MIA2: variants seen among roughly 807,000 people sequenced by gnomAD.
MIA2 encodes the protein MIA SH3 domain ER export factor 2.
A neutral mutation model predicts 167.8 loss-of-function variants in MIA2; 127 were observed. The observed-to-expected ratio is 0.76, with a 90% CI of 0.66 to 0.88. MIA2 has a LOEUF of 0.88. MIA2 is among the 40% of genes least tolerant of loss of function. The probability of loss-of-function intolerance (pLI) is 0.00; values close to 1 mark genes in which losing one functional copy is unlikely to be tolerated. For synonymous variants in MIA2, 552 were observed against 541.9 expected, an observed-to-expected ratio of 1.02 and a Z score of -0.26; for missense variants, 1,690 against 1,624.7, an observed-to-expected ratio of 1.04 and a Z score of -0.69.
intron 23 of MIA2, among the ~76,000 whole-genome samples, chr14:39,378,634 CAT>C (rs1304272812): frequency 3.3e-5 from 5 of 152,166 alleles, no homozygotes; most frequent in African/African-American, 9.7e-5. Flanking sequence ...CTACTGATAA[CAT>C]ACACTAAAAC....
chr14:39,336,820 A>C (rs1162952224), intron 25 of MIA2, among the ~76,000 whole-genome samples: 3 of 152,172 alleles, frequency 2.0e-5, no homozygotes, highest in African/African-American at 7.2e-5. Context: ...ATTATAGCTC[A>C]CTGTAGCCTT....
chr14:39,243,694 C>T (rs796247492), intron 3 of MIA2, among the ~76,000 whole-genome samples: 2 of 152,192 alleles, frequency 1.3e-5, no homozygotes, highest in African/African-American at 2.4e-5. Flanking sequence ...GGTGAAACCA[C>T]GTCTTTACTA....
At position 39,325,577 on chromosome 14, in the gene MIA2, C is replaced by T. The variant is rs1015748526; in HGVS notation, c.3497-1287C>T. On this transcript the variant is annotated intron_variant, in intron 24 of 28. Coordinates refer to ENST00000640607, the MANE Select transcript of MIA2 (RefSeq NM_001329214.4). ...AGAGATGGGGTTTCACCTTGTTAGC[C>T]AGGATGGTCTCGATCTCCTGACCTT... 1.5e-4 allele frequency among the ~76,000 whole-genome samples: 22 copies of T among 151,024 alleles called. 1 individual carries two copies. Among genetic ancestry groups the T allele is most frequent in the African/African-American group, 4.9e-4 (20 of 41,146 alleles).
chr14:39,314,782 C>A lies in MIA2; in HGVS notation c.3163C>A (p.His1055Asn). The change falls in exon 20 of 29, where the codon CAT becomes AAT. Residue 1055 changes from histidine to asparagine, a missense_variant. Transcript: ENST00000640607. ...TGAAGAAGAATTGGAGAGAACTATT[C>A]ATTCTTATCAAGGGCAGGTATATAT... The part of the protein sequence containing the change: ...DLEEELERTI[H>N]SYQGQIISHE... 6.3e-7 allele frequency: 1 copy of A among 1,593,462 alleles called. No individual in the cohort carries two copies. Among genetic ancestry groups the A allele is most frequent in the Non-Finnish European group, 8.5e-7 (1 of 1,169,784 alleles).
At chr14:39,243,136 A>AAG (rs1162028135) in intron 3 of MIA2, among the ~76,000 whole-genome samples, 17 of 151,774 alleles carry the variant, frequency 1.1e-4, no homozygotes, top group African/African-American at 4.1e-4. Context: ...AAAAAAAAAA[A>AAG]AAGAAGACAA....
intron 3 of MIA2, among the ~76,000 whole-genome samples, chr14:39,240,939 T>A (rs2054008126): frequency 6.6e-6 from 1 of 152,184 alleles, no homozygotes; most frequent in Non-Finnish European, 1.5e-5. Context: ...ACTCAACCAC[T>A]TACAAGCTAT....
chr14:39,349,432 C>T (rs771628697), intron 28 of MIA2, among the ~76,000 whole-genome samples: 9 of 151,908 alleles, frequency 5.9e-5, no homozygotes, highest in South Asian at 4.2e-4. Context: ...TACGTTTGAC[C>T]GAATTTTTGG....
chr14:39,386,859 C>T (rs760360927), intron 23 of MIA2: 3 of 861,764 alleles, frequency 3.5e-6, no homozygotes, highest in Non-Finnish European at 4.0e-6. Flanking sequence ...TACTTTAACT[C>T]TGAGGCGGTC....
chr14:39,266,355 A>G (rs2055630413), intron 6 of MIA2: 1 of 985,374 alleles, frequency 1.0e-6, no homozygotes, highest in Non-Finnish European at 1.2e-6. Flanking sequence ...ACGGTCCTAA[A>G]AATAGAGTCC....
chr14:39,263,033 C>G (rs189691013), intron 6 of MIA2, among the ~76,000 whole-genome samples: 3 of 152,318 alleles, frequency 2.0e-5, no homozygotes, highest in South Asian at 2.1e-4. Flanking sequence ...ATTGCCCTAG[C>G]CAGAACTTCG....
At chr14:39,316,978 C>T (rs1485990364) in intron 21 of MIA2, among the ~76,000 whole-genome samples, 6 of 152,116 alleles carry the variant, frequency 3.9e-5, no homozygotes, top group Non-Finnish European at 8.8e-5. Flanking sequence ...ATTCCACATC[C>T]CTCCCTCACC....
chr14:39,341,774 CAT>C (rs2071928101), intron 25 of MIA2, among the ~76,000 whole-genome samples: 1 of 151,988 alleles, frequency 6.6e-6, no homozygotes, highest in South Asian at 2.1e-4. Flanking sequence ...AATTTATGGT[CAT>C]AAATTTGAAT....
At chr14:39,338,708 C>A (rs1488562227) in intron 25 of MIA2, among the ~76,000 whole-genome samples, 1 of 152,110 alleles carries the variant, frequency 6.6e-6, no homozygotes, top group Non-Finnish European at 1.5e-5. Context: ...TTACCTTGCT[C>A]AGCGCTTCAG....
At chr14:39,345,756 T>G (rs2073100824) in intron 25 of MIA2, 148 bp from the exon 26 acceptor site, 3 of 590,838 alleles carry the variant, frequency 5.1e-6, no homozygotes, top group South Asian at 6.1e-5. Context: ...TATGCAATTC[T>G]TCTGAAATTG....
intron 18 of MIA2, among the ~76,000 whole-genome samples, chr14:39,310,626 C>T (rs774738066): frequency 1.3e-4 from 20 of 152,006 alleles, no homozygotes; most frequent in Non-Finnish European, 2.6e-4. Context: ...TGCTAATTTA[C>T]GATGTATAGT....
Position 39,300,067 on chromosome 14 carries a change from A to G in MIA2, c.2619+81A>G, listed in dbSNP as rs148901160. ...TGAAATTTGAAAGCTAGTTTTTAGC[A>G]ACTTTTATTTTCACAACATATTTTC... On this transcript the variant is annotated intron_variant, in intron 14 of 28. Coordinates refer to ENST00000640607, the MANE Select transcript of MIA2 (RefSeq NM_001329214.4). 2.6e-6 allele frequency: 4 copies of G among 1,511,432 alleles called. No individual in the cohort carries two copies. The South Asian group carries it at 3.7e-5, about 14-fold the overall frequency. The allele number at this position is 1,511,432 out of a possible 1,614,324, so 93.6% of individuals were successfully genotyped here.
At chr14:39,347,843 TG>T in intron 27 of MIA2, 72 bp downstream of exon 27, 1 of 1,106,852 alleles carries the variant, frequency 9.0e-7, no homozygotes, top group Non-Finnish European at 1.2e-6. Context: ...TTTTTTTTTA[TG>T]GAGTTTCACT....
chr14:39,335,962 T>G (rs922494545), intron 25 of MIA2, among the ~76,000 whole-genome samples: 2 of 152,248 alleles, frequency 1.3e-5, no homozygotes, highest in African/African-American at 2.4e-5. Context: ...CTGTGTAGTA[T>G]TCTATGGTGT....
intron 9 of MIA2, among the ~76,000 whole-genome samples, chr14:39,281,992 A>G (rs1400031584): frequency 6.6e-6 from 1 of 152,072 alleles, no homozygotes; most frequent in Non-Finnish European, 1.5e-5. Flanking sequence ...CTGCCGACAA[A>G]TATGCTTTCT....
Sources: allele counts gnomAD v4.1 joint callset (sites outside exome capture counted in the v4.1 genomes callset), GRCh38; gene constraint gnomAD v4.1.1; transcripts MANE v1.5; gene names NCBI Gene and HGNC (gene_info 2026-07-23, HGNC 2026-07-21).